MRTFB: variants seen among roughly 807,000 people sequenced by gnomAD.
MRTFB encodes myocardin-related transcription factor B.
Under a neutral mutation model 104.2 loss-of-function variants are expected in MRTFB, and 29 were observed. The observed-to-expected ratio is 0.28, with a 90% CI of 0.21 to 0.38. MRTFB has a LOEUF of 0.38. Ranked by LOEUF, MRTFB falls within the 10% of genes least tolerant of loss-of-function variation. The pLI is 1.00. For synonymous variants in MRTFB, 535 were observed against 519.5 expected, an observed-to-expected ratio of 1.03 and a Z score of -0.41; for missense variants, 1,270 against 1,341.6, an observed-to-expected ratio of 0.95 and a Z score of 0.83.
intron 9 of MRTFB, among the ~76,000 whole-genome samples, chr16:14,239,517 T>A (rs2042669585): frequency 6.6e-6 from 1 of 152,234 alleles, no homozygotes; most frequent in South Asian, 2.1e-4. Flanking sequence ...TATATTTTCT[T>A]TTTTGTTTGT....
At chr16:14,127,502 G>C (rs1405483960) in intron 2 of MRTFB, among the ~76,000 whole-genome samples, 1 of 151,858 alleles carries the variant, frequency 6.6e-6, no homozygotes, top group Non-Finnish European at 1.5e-5. Context: ...AAATTAGCCA[G>C]GCGTGGTGGT....
upstream of MRTFB, among the ~76,000 whole-genome samples, chr16:14,071,014 G>C (rs2033648017): frequency 6.6e-6 from 1 of 152,208 alleles, no homozygotes; most frequent in Non-Finnish European, 1.5e-5. Context: ...GGTCACCTTT[G>C]TCGCCACCGT....
At chr16:14,031,372 C>T in the MRTFB span, among the ~76,000 whole-genome samples, 1 of 146,258 alleles carries the variant, frequency 6.8e-6, no homozygotes, top group South Asian at 2.2e-4. Context: ...CCAGCCTGGG[C>T]GACAGAGTGA....
chr16:14,174,420 C>T (rs907411242), intron 3 of MRTFB, among the ~76,000 whole-genome samples: 7 of 152,116 alleles, frequency 4.6e-5, no homozygotes, highest in Non-Finnish European at 7.4e-5. Context: ...CGTTGGCTTA[C>T]GCTTGTAATC....
intron 3 of MRTFB, among the ~76,000 whole-genome samples, chr16:14,157,224 A>G (rs1470535948): frequency 6.6e-6 from 1 of 152,218 alleles, no homozygotes; most frequent in Non-Finnish European, 1.5e-5. Flanking sequence ...CTTAGAGCTA[A>G]TTGTCCAGTC....
At chr16:14,210,413 A>G in intron 4 of MRTFB, 105 bp downstream of exon 4, 6 of 800,414 alleles carry the variant, frequency 7.5e-6, no homozygotes, top group Non-Finnish European at 9.9e-6. Context: ...CCATTTAATC[A>G]ACAAACAATT....
At chr16:14,141,084 C>T (rs2037974685) in intron 3 of MRTFB, 1 of 251,946 alleles carries the variant, frequency 4.0e-6, no homozygotes, top group South Asian at 6.0e-5. Flanking sequence ...CGGGGAAGTA[C>T]ATTGTGGATA....
chr16:14,017,687 GTATA>G, the MRTFB span, among the ~76,000 whole-genome samples: 5 of 6,808 alleles, frequency 7.3e-4, no homozygotes, highest in African/African-American at 1.3e-3. Context: ...GTGTGTGTGT[GTATA>G]TATATATATA....
rs1012524800 is a variant in MRTFB at position 14,134,709 on chromosome 16, C to G, written c.-63-5835C>G. On this transcript the variant is annotated intron_variant, in intron 2 of 16. Transcript: ENST00000571589. ...AACCTCGTGTCCCTCTTTCCCGTCTCCCATCACCCCACTCCCCAACATCTC... is the reference window on the plus strand; with the variant it reads ...AACCTCGTGTCCCTCTTTCCCGTCTGCCATCACCCCACTCCCCAACATCTC... 3.3e-5 allele frequency among the ~76,000 whole-genome samples: 5 copies of G among 152,180 alleles called. No individual in the cohort carries two copies. In the East Asian group the frequency reaches 7.7e-4, roughly 23 times the overall value.
intron 3 of MRTFB, among the ~76,000 whole-genome samples, chr16:14,146,827 C>A (rs550339256): frequency 3.3e-5 from 5 of 152,160 alleles, no homozygotes; most frequent in African/African-American, 1.2e-4. Context: ...GTTCTTGAGG[C>A]CATAGGTGAG....
Position 14,261,180 on chromosome 16 carries a change from C to G in MRTFB, c.3036C>G (p.Ile1012Met), listed in dbSNP as rs141253883. ...AAGACAGAGAGCCCTTCTCTCTGAT[C>G]GAGGACCTCCAGAATGATCTGCTGA... ...SSEDREPFSL[I>M]EDLQNDLLSH... Residue 1012 changes from isoleucine to methionine, a missense_variant, in exon 17 of 17, where the codon ATC (isoleucine) becomes ATG (methionine). Ile to Met is a conservative substitution (Grantham distance 10). Transcript: ENST00000571589. 2 of 1,614,070 alleles carry G rather than the reference C, an allele frequency of 1.2e-6. No homozygotes were observed. Among genetic ancestry groups the G allele is most frequent in the East Asian group, 2.2e-5 (1 of 44,890 alleles).
intron 2 of MRTFB, among the ~76,000 whole-genome samples, chr16:14,109,165 C>T (rs1596871657): frequency 6.6e-6 from 1 of 152,156 alleles, no homozygotes; most frequent in Admixed American, 6.5e-5. Context: ...ATACAGGAAG[C>T]TGAAAAAGCA....
intron 2 of MRTFB, among the ~76,000 whole-genome samples, chr16:14,090,840 C>G (rs2035013165): frequency 6.6e-6 from 1 of 151,156 alleles, no homozygotes; most frequent in African/African-American, 2.4e-5. Context: ...CAAAGAAAAC[C>G]ACTTTAATTT....
chr16:14,208,168 T>C (rs2041032588), intron 3 of MRTFB, among the ~76,000 whole-genome samples: 1 of 152,172 alleles, frequency 6.6e-6, no homozygotes, highest in South Asian at 2.1e-4. Context: ...AGCATGAAAG[T>C]GTGATTTCTG....
Position 14,218,826 on chromosome 16 carries a change from G to A in MRTFB, c.521G>A (p.Gly174Glu), listed in dbSNP as rs959603063. 1.9e-6 allele frequency: 3 copies of A among 1,585,446 alleles called. No individual in the cohort carries two copies. The highest frequency in any genetic ancestry group is 1.4e-5 in the African/African-American group (1 of 74,004). ...AAATCATTTCTTTCTTTAGGCGTTG[G>A]GAAGGAGGACTATCCCCACACTCAG... Reference protein sequence around the residue: ...SSVKEAIIGVGKEDYPHTQGD... With the variant: ...SSVKEAIIGVEKEDYPHTQGD... The change falls in exon 8 of 17, where the codon GGG (glycine) becomes GAG (glutamate). Residue 174 changes from glycine (G) to glutamate (E), a missense_variant. This residue lies in a region of MRTFB where 1,144 missense variants were observed against 1,131.5 expected (regional missense o/e 1.01). Coordinates refer to ENST00000571589, the MANE Select transcript of MRTFB (RefSeq NM_001308142.2).
At chr16:14,085,771 C>G (rs1363091205) in intron 2 of MRTFB, among the ~76,000 whole-genome samples, 1 of 152,156 alleles carries the variant, frequency 6.6e-6, no homozygotes, top group African/African-American at 2.4e-5. Flanking sequence ...GATAAGAAAA[C>G]TAGCATCTGT....
chr16:14,000,433 G>C, the MRTFB span, among the ~76,000 whole-genome samples: 7 of 152,232 alleles, frequency 4.6e-5, no homozygotes, highest in African/African-American at 1.7e-4. Context: ...TGATGCTCCA[G>C]GAGCTCAGTG....
At chr16:14,236,135 C>G (rs2042492547) in intron 9 of MRTFB, among the ~76,000 whole-genome samples, 1 of 146,198 alleles carries the variant, frequency 6.8e-6, no homozygotes, top group Non-Finnish European at 1.5e-5. Flanking sequence ...GAGCTGAGAT[C>G]ATGTGCCTGC....
chr16:14,000,852 A>G, the MRTFB span, among the ~76,000 whole-genome samples: 1 of 152,228 alleles, frequency 6.6e-6, no homozygotes, highest in Admixed American at 6.5e-5. Context: ...GTGTCAAGGA[A>G]CCCAACCCAG....
Sources: gnomAD v4.1 joint callset for allele counts (sites outside exome capture counted in the v4.1 genomes callset) on GRCh38, gnomAD v4.1.1 for gene constraint, gnomAD v4.1.1 regional missense constraint, MANE v1.5 for transcripts, NCBI Gene and HGNC (gene_info 2026-07-23, HGNC 2026-07-21) for gene names.